The following KNTC1 variants were observed in gnomAD, a reference collection of about 807,000 sequenced individuals.
KNTC1 encodes kinetochore-associated protein 1.
In KNTC1, 253 loss-of-function variants were observed where a neutral mutation model predicts 314.4. The observed-to-expected ratio is 0.80, with a 90% CI of 0.73 to 0.89. The LOEUF (loss-of-function observed/expected upper bound fraction) is 0.89, where lower values mean the gene tolerates loss of function less well. KNTC1 is among the 40% of genes least tolerant of loss of function. The pLI, the probability that KNTC1 is intolerant of heterozygous loss-of-function variation, is 0.00. For synonymous variants in KNTC1, 901 were observed against 901.4 expected, an observed-to-expected ratio of 1.00 and a Z score of 0.01; for missense variants, 2,475 against 2,572.9, an observed-to-expected ratio of 0.96 and a Z score of 0.82.
chr12:122,562,170 CTG>C (rs1964018123), intron 19 of KNTC1, among the ~76,000 whole-genome samples, 196 bp downstream of exon 19: 1 of 152,180 alleles, frequency 6.6e-6, no homozygotes, highest in South Asian at 2.1e-4. Flanking sequence ...TTCATATAAA[CTG>C]TTGTACATAG....
chr12:122,606,771 ATAAT>A (rs1216419140), intron 51 of KNTC1, among the ~76,000 whole-genome samples: 1 of 151,948 alleles, frequency 6.6e-6, no homozygotes, highest in Non-Finnish European at 1.5e-5. Flanking sequence ...TCTCTCCTCT[ATAAT>A]TGATACTCTT....
At chr12:122,603,618 G>A (rs1252166298) in intron 48 of KNTC1, among the ~76,000 whole-genome samples, 2 of 151,826 alleles carry the variant, frequency 1.3e-5, no homozygotes, top group African/African-American at 2.4e-5. Context: ...TCAGTCCCCC[G>A]AGTAGCTGGG....
chr12:122,545,738 A>G (rs7953379), intron 8 of KNTC1, among the ~76,000 whole-genome samples: 69,232 of 151,612 alleles, frequency 0.46, 18,432 homozygotes, highest in African/African-American at 0.75. Context: ...GATTGCTTGC[A>G]CCCAGGAGGT....
chr12:122,622,494 TAAG>T lies in KNTC1; in HGVS notation c.6406_6408del (p.Lys2136del), dbSNP rs764897641. On this transcript the variant is annotated inframe_deletion, in exon 62 of 64. Coordinates refer to ENST00000333479, the MANE Select transcript of KNTC1 (RefSeq NM_014708.6). ...GTCTGATTTTGAATAATATCATCAATAAGAAGGAGTTTGGGATTTTGGCAAAGA... is the reference window on the plus strand; with the variant it reads ...GTCTGATTTTGAATAATATCATCAATAAGGAGTTTGGGATTTTGGCAAAGA... The T allele has an allele frequency of 4.4e-6, 7 of 1,582,704 alleles. No individual in the cohort carries two copies. The highest frequency in any genetic ancestry group is 2.3e-5 in the South Asian group (2 of 86,668).
In KNTC1 at chr12:122,590,602, T is replaced by C. The variant is rs768014166; in HGVS notation, c.4000-5T>C. The C allele has an allele frequency of 1.2e-6, 2 of 1,609,410 alleles. No individual in the cohort carries two copies. The highest frequency in any genetic ancestry group is 8.5e-7 in the Non-Finnish European group (1 of 1,177,488). ...TTTGCTTCTTTTGCTGGTTTCTTCC[T>C]GTAGGTATTTAATTGTCGCTTGGTA... On this transcript the variant is annotated splice_region_variant and splice_polypyrimidine_tract_variant and intron_variant, in intron 40 of 63. Coordinates refer to ENST00000333479, the MANE Select transcript of KNTC1 (RefSeq NM_014708.6).
At chr12:122,540,195 G>A (rs1447869604) in intron 5 of KNTC1, among the ~76,000 whole-genome samples, 8 of 138,334 alleles carry the variant, frequency 5.8e-5, no homozygotes, top group Admixed American at 5.8e-4. Context: ...TTTTTGAGAC[G>A]AAGTGTCCCT....
chr12:122,555,338 G>A (rs1424150744), intron 16 of KNTC1, among the ~76,000 whole-genome samples: 2 of 152,144 alleles, frequency 1.3e-5, no homozygotes, highest in African/African-American at 4.8e-5. Flanking sequence ...GATTACTTGA[G>A]GCCAGGAGTT....
chr12:122,579,027 T>A (rs1014594167), intron 31 of KNTC1, among the ~76,000 whole-genome samples: 5 of 1,292 alleles, frequency 3.9e-3, no homozygotes, highest in Non-Finnish European at 9.7e-3. Context: ...TCTGTATTCT[T>A]TTTTTTTTTT....
At chr12:122,551,423 A>G in intron 14 of KNTC1, 35 bp from the exon 15 acceptor site, 1 of 1,557,006 alleles carries the variant, frequency 6.4e-7, no homozygotes, top group Non-Finnish European at 8.8e-7. Context: ...TTAATATTAA[A>G]AGACAAGCGC....
intron 26 of KNTC1, 29 bp from the exon 27 acceptor site, chr12:122,574,253 A>T (rs1385703512): frequency 2.2e-6 from 3 of 1,362,240 alleles, no homozygotes; most frequent in Non-Finnish European, 3.1e-6. Context: ...TTTAATTTTT[A>T]AAAAACATAC....
intron 33 of KNTC1, among the ~76,000 whole-genome samples, 167 bp downstream of exon 33, chr12:122,580,837 G>A (rs1965373008): frequency 6.6e-6 from 1 of 152,086 alleles, no homozygotes; most frequent in African/African-American, 2.4e-5. Flanking sequence ...GATCATCCTG[G>A]CTAACACGGT....
intron 16 of KNTC1, 76 bp from the exon 17 acceptor site, chr12:122,557,308 A>G (rs1963665152): frequency 7.1e-7 from 1 of 1,407,786 alleles, no homozygotes; most frequent in Admixed American, 2.2e-5. Context: ...TGTTTCACTC[A>G]GCTTACTCTG....
chr12:122,610,976 T>G, intron 53 of KNTC1, 76 bp downstream of exon 53: 1 of 1,013,664 alleles, frequency 9.9e-7, no homozygotes, highest in Non-Finnish European at 1.6e-6. Flanking sequence ...TTTACCATGC[T>G]TGATTGCATT....
chr12:122,561,877 C>T (rs376478813), intron 18 of KNTC1, 44 bp from the exon 19 acceptor site: 19 of 1,450,952 alleles, frequency 1.3e-5, no homozygotes, highest in Non-Finnish European at 1.7e-5. Context: ...AGGAAATAAA[C>T]AGTAGATATT....
At chr12:122,607,486 C>T (rs756231162) in intron 51 of KNTC1, among the ~76,000 whole-genome samples, 4 of 152,258 alleles carry the variant, frequency 2.6e-5, no homozygotes, top group Non-Finnish European at 5.9e-5. Flanking sequence ...TTGTCTAATA[C>T]TGCCTCATGG....
rs766494651 is a variant in KNTC1, at chr12:122,621,989, T to C, written c.6369+19T>C. 4 of 1,523,664 alleles carry C rather than the reference T, an allele frequency of 2.6e-6. No homozygotes were observed. The African/African-American group carries it at 5.5e-5, about 21-fold the overall frequency. 94.4% of individuals were successfully genotyped at this position (1,523,664 alleles called of 1,614,324 possible). On this transcript the variant is annotated intron_variant, in intron 61 of 63. Transcript: ENST00000333479. ...ACATCAAGTAAGAGGCGATTTCATC[T>C]CCTTTTTGCTATGAAAATGTTGATA... is the stretch of plus-strand genomic sequence containing the variant.
intron 10 of KNTC1, among the ~76,000 whole-genome samples, 168 bp from the exon 11 acceptor site, chr12:122,547,247 C>T (rs1037695511): frequency 4.6e-5 from 7 of 151,632 alleles, no homozygotes; most frequent in African/African-American, 1.7e-4. Flanking sequence ...TGGTGGTGGG[C>T]GCCTGTAATC....
rs1874571974 is a variant in KNTC1 at position 122,622,689 on chromosome 12, CTG to C, written c.6515+84_6515+85del. ...ATAAGCTGGGCACGATGGCTCACGA[CTG>C]TAATCCTAGCACTTTGGGAAGCTGA... On this transcript the variant is annotated intron_variant, in intron 62 of 63. Transcript: ENST00000333479. 5 of 1,166,082 alleles carry C rather than the reference CTG, an allele frequency of 4.3e-6. No individual in the cohort carries two copies. The South Asian group carries it at 8.3e-5, about 19-fold the overall frequency. 72.2% of individuals were successfully genotyped at this position (1,166,082 alleles called of 1,614,324 possible).
chr12:122,557,914 A>G (rs377666259), intron 18 of KNTC1, among the ~76,000 whole-genome samples: 1 of 152,192 alleles, frequency 6.6e-6, no homozygotes, highest in Non-Finnish European at 1.5e-5. Context: ...TTGTGCAAGC[A>G]TCATTATTGT....
Sources: gnomAD v4.1 joint callset for allele counts (sites outside exome capture counted in the v4.1 genomes callset) on GRCh38, gnomAD v4.1.1 for gene constraint, MANE v1.5 for transcripts, NCBI Gene and HGNC (gene_info 2026-07-23, HGNC 2026-07-21) for gene names.